Variants in PHF20 observed in about 807,000 individuals in gnomAD.
PHF20 encodes the protein PHD finger protein 20.
A neutral mutation model predicts 113.5 loss-of-function variants in PHF20; 23 were observed. That is an observed-to-expected ratio of 0.20 (90% CI 0.15 to 0.29). PHF20 has a LOEUF of 0.29. Ranked by LOEUF, PHF20 falls within the 10% of genes least tolerant of loss-of-function variation. The pLI, the probability that PHF20 is intolerant of heterozygous loss-of-function variation, is 1.00. For missense variants in PHF20, 943 were observed against 1,219.6 expected (o/e 0.77, Z 3.38); for synonymous variants, 434 against 457.3 (o/e 0.95, Z 0.65).
intron 4 of PHF20, chr20:35,850,548 G>GCATTAATTAA (rs1349779416): frequency 7.2e-6 from 1 of 138,130 alleles, no homozygotes; most frequent in Non-Finnish European, 1.4e-5. Context: ...TATCTTAATG[G>GCATTAATTAA]GTACACAGTG....
intron 10 of PHF20, 41 bp downstream of exon 10, chr20:35,899,689 T>C: frequency 6.3e-7 from 1 of 1,595,652 alleles, no homozygotes. Context: ...GATGGCTCAG[T>C]TGCTTGGCCA....
chr20:35,937,479 AAAAG>A (rs965187595), intron 15 of PHF20, among the ~76,000 whole-genome samples: 1 of 152,080 alleles, frequency 6.6e-6, no homozygotes, highest in Non-Finnish European at 1.5e-5. Flanking sequence ...AAAAAAAAAA[AAAAG>A]AAAGAAAGAA....
chr20:35,865,482 A>G (rs1215971157), intron 6 of PHF20, among the ~76,000 whole-genome samples: 2 of 149,884 alleles, frequency 1.3e-5, no homozygotes, highest in Non-Finnish European at 3.0e-5. Flanking sequence ...TATTTAAATT[A>G]ACTTTTTAAG....
At chr20:35,929,982 A>G (rs1411131753) in intron 14 of PHF20, among the ~76,000 whole-genome samples, 1 of 152,246 alleles carries the variant, frequency 6.6e-6, no homozygotes, top group Non-Finnish European at 1.5e-5. Context: ...ATAGATATTG[A>G]CAGTCGAACA....
intron 1 of PHF20, among the ~76,000 whole-genome samples, chr20:35,799,291 C>CAAAA (rs35210007): frequency 1.9e-4 from 4 of 20,992 alleles, no homozygotes; most frequent in Non-Finnish European, 3.1e-4. Flanking sequence ...ACTCTCTCTG[C>CAAAA]AAAAAAAAAA....
At chr20:35,856,922 G>A (rs2042838696) in intron 4 of PHF20, among the ~76,000 whole-genome samples, 1 of 152,166 alleles carries the variant, frequency 6.6e-6, no homozygotes, top group Non-Finnish European at 1.5e-5. Context: ...TTGTGTTGGA[G>A]GTTGAATACT....
chr20:35,775,296 T>C (rs1433880830), intron 1 of PHF20, among the ~76,000 whole-genome samples: 1 of 152,196 alleles, frequency 6.6e-6, no homozygotes, highest in Admixed American at 6.6e-5. Context: ...TGAGGTTTCA[T>C]ACACGAAGAC....
At chr20:35,857,147 C>T (rs552132013) in intron 4 of PHF20, among the ~76,000 whole-genome samples, 4 of 152,196 alleles carry the variant, frequency 2.6e-5, no homozygotes, top group East Asian at 1.9e-4. Context: ...GAAACCATTA[C>T]GTGATTACCA....
At chr20:35,890,118 C>T (rs892896236) in intron 9 of PHF20, among the ~76,000 whole-genome samples, 10 of 152,104 alleles carry the variant, frequency 6.6e-5, no homozygotes, top group Non-Finnish European at 1.2e-4. Flanking sequence ...GCATCGACCT[C>T]CTGGGTTCAG....
rs778075118 is a variant in PHF20, at chr20:35,938,722, C to T, written c.2326C>T (p.Leu776=). Residue 776 remains leucine (L), a synonymous_variant, in exon 16 of 18, where the codon CTG becomes TTG. Transcript: ENST00000374012. Reference sequence around the variant, plus strand: ...AAGCCGGGAGCATCCTGATCTGCCGCTGTGGTGCCAGCCTTGGAAACAGCA... The same window carrying T: ...AAGCCGGGAGCATCCTGATCTGCCGTTGTGGTGCCAGCCTTGGAAACAGCA... The part of the protein sequence containing the change: ...LQSREHPDLP[L]WCQPWKQHSG... 2 of 1,612,044 alleles carry T rather than the reference C, an allele frequency of 1.2e-6. No homozygotes were observed. Among genetic ancestry groups the T allele is most frequent in the South Asian group, 2.2e-5 (2 of 90,876 alleles).
intron 16 of PHF20, among the ~76,000 whole-genome samples, 187 bp from the exon 17 acceptor site, chr20:35,940,677 A>G (rs1275118831): frequency 6.6e-6 from 1 of 152,114 alleles, no homozygotes; most frequent in African/African-American, 2.4e-5. Context: ...TGCTACCCTG[A>G]GGTAGTTGGA....
At chr20:35,823,632 CAAAAAAAAAAAAAA>C (rs34177764) in intron 2 of PHF20, among the ~76,000 whole-genome samples, 1 of 53,764 alleles carries the variant, frequency 1.9e-5, no homozygotes. Context: ...GACCCTGTCT[CAAAAAAAAAAAAAA>C]AAAAAAAAGG....
chr20:35,807,243 C>T (rs2041900195), intron 2 of PHF20, among the ~76,000 whole-genome samples: 1 of 151,472 alleles, frequency 6.6e-6, no homozygotes, highest in Admixed American at 6.6e-5. Context: ...TCATGTTTTA[C>T]TTTATGAACT....
chr20:35,884,327 G>A (rs1600873639), intron 9 of PHF20, among the ~76,000 whole-genome samples: 1 of 152,144 alleles, frequency 6.6e-6, no homozygotes, highest in South Asian at 2.1e-4. Flanking sequence ...CTGAGAAATT[G>A]GTGTGAAGGA....
chr20:35,903,600 G>A (rs1433174517), intron 10 of PHF20, among the ~76,000 whole-genome samples: 1 of 152,088 alleles, frequency 6.6e-6, no homozygotes, highest in African/African-American at 2.4e-5. Flanking sequence ...ACAACATGGC[G>A]ATTACCCAAA....
chr20:35,922,634 G>T (rs1313080138), intron 13 of PHF20, among the ~76,000 whole-genome samples: 1 of 152,134 alleles, frequency 6.6e-6, no homozygotes, highest in Non-Finnish European at 1.5e-5. Context: ...TGAGAAATCT[G>T]GCTACCACAT....
chr20:35,836,806 C>G (rs1339787461), intron 2 of PHF20, among the ~76,000 whole-genome samples: 8 of 149,682 alleles, frequency 5.3e-5, no homozygotes, highest in East Asian at 2.0e-4. Flanking sequence ...GAGATCACAC[C>G]ACTGCACTCC....
chr20:35,806,946 C>T (rs1288865690), intron 2 of PHF20, among the ~76,000 whole-genome samples: 11 of 152,012 alleles, frequency 7.2e-5, no homozygotes, highest in Non-Finnish European at 1.5e-4. Flanking sequence ...CAGGTGCCTG[C>T]CACCACGCCC....
intron 4 of PHF20, chr20:35,849,273 A>C: frequency 2.8e-6 from 1 of 359,614 alleles, no homozygotes; most frequent in Non-Finnish European, 5.6e-6. Context: ...TCAGAGATGA[A>C]GATAATTAAT....
Sources: gnomAD v4.1 joint callset for allele counts (sites outside exome capture counted in the v4.1 genomes callset) on GRCh38, gnomAD v4.1.1 for gene constraint, MANE v1.5 for transcripts, NCBI Gene and HGNC (gene_info 2026-07-23, HGNC 2026-07-21) for gene names.